The following UVRAG variants were observed in gnomAD, a reference collection of about 807,000 sequenced individuals.
UVRAG encodes UV radiation resistance associated.
A neutral mutation model predicts 78.0 loss-of-function variants in UVRAG; 19 were observed. That is an observed-to-expected ratio of 0.24 (90% CI 0.17 to 0.36). The LOEUF (loss-of-function observed/expected upper bound fraction) is 0.36, where lower values mean the gene tolerates loss of function less well. Ranked by LOEUF, UVRAG falls within the 10% of genes least tolerant of loss-of-function variation. The probability of loss-of-function intolerance (pLI) is 1.00; values close to 1 mark genes in which losing one functional copy is unlikely to be tolerated. For missense variants in UVRAG, 740 were observed against 853.8 expected (o/e 0.87, Z 1.66); for synonymous variants, 323 against 324.6 (o/e 1.00, Z 0.05).
chr11:76,128,610 T>TTTTG (rs375402238), intron 14 of UVRAG, among the ~76,000 whole-genome samples: 309 of 151,958 alleles, frequency 2.0e-3, no homozygotes, highest in African/African-American at 6.7e-3. Flanking sequence ...GGGAGGTATT[T>TTTTG]TTTGTTTGTT....
At chr11:76,087,711 TA>T (rs1951614958) in intron 13 of UVRAG, among the ~76,000 whole-genome samples, 1 of 152,196 alleles carries the variant, frequency 6.6e-6, no homozygotes, top group Non-Finnish European at 1.5e-5. Flanking sequence ...TAGCATTCCT[TA>T]AGGTGGACAG....
At chr11:76,139,033 A>C (rs886225926) in intron 14 of UVRAG, among the ~76,000 whole-genome samples, 3 of 152,182 alleles carry the variant, frequency 2.0e-5, no homozygotes, top group Admixed American at 6.5e-5. Flanking sequence ...TGGAGAACTA[A>C]ACACTGTAAT....
intron 11 of UVRAG, among the ~76,000 whole-genome samples, chr11:76,013,702 T>C (rs914493851): frequency 1.3e-5 from 2 of 152,238 alleles, no homozygotes; most frequent in African/African-American, 2.4e-5. Flanking sequence ...ATAGCCATAA[T>C]TAACCACATG....
chr11:76,139,465 A>G (rs1218389556), intron 14 of UVRAG, among the ~76,000 whole-genome samples: 1 of 152,114 alleles, frequency 6.6e-6, no homozygotes, highest in Non-Finnish European at 1.5e-5. Context: ...TATGGGAACT[A>G]TTTGTTGGGT....
chr11:75,967,718 A>G (rs1487280934), intron 7 of UVRAG, among the ~76,000 whole-genome samples: 1 of 152,212 alleles, frequency 6.6e-6, no homozygotes, highest in Non-Finnish European at 1.5e-5. Context: ...TTTAACTGCT[A>G]TTAAGCTAAT....
chr11:76,008,755 T>G (rs1949996950), intron 10 of UVRAG, 52 bp from the exon 11 acceptor site: 2 of 1,042,382 alleles, frequency 1.9e-6, no homozygotes, highest in Admixed American at 2.4e-5. Context: ...GAGATTTAAC[T>G]TAGAGTTTCT....
chr11:76,044,613 A>G (rs993034504), intron 12 of UVRAG, among the ~76,000 whole-genome samples: 8 of 152,118 alleles, frequency 5.3e-5, no homozygotes, highest in Non-Finnish European at 7.4e-5. Flanking sequence ...CTCTACTAAA[A>G]TATCAAAAAC....
chr11:76,021,325 G>A lies in UVRAG; in HGVS notation c.1226+4345G>A, dbSNP rs541728520. Among the ~76,000 whole-genome samples the A allele has an allele frequency of 2.7e-4, 41 of 152,240 alleles. 1 individual carries two copies. Among genetic ancestry groups the A allele is most frequent in the Middle Eastern group, 6.8e-3 (2 of 294 alleles). On this transcript the variant is annotated intron_variant, in intron 12 of 14. Coordinates refer to ENST00000356136, the MANE Select transcript of UVRAG (RefSeq NM_003369.4). ...GCCATCTTGCTTCACCCTCCTCATG[G>A]TGTTTTCTTATAATCCTTTTCATTT...
chr11:75,974,063 T>G (rs767300238), intron 7 of UVRAG, among the ~76,000 whole-genome samples: 2 of 152,234 alleles, frequency 1.3e-5, no homozygotes, highest in Non-Finnish European at 2.9e-5. Flanking sequence ...CCTTTGGGTA[T>G]ATACCCAGTA....
At chr11:75,937,223 CTG>C (rs1948390320) in intron 6 of UVRAG, among the ~76,000 whole-genome samples, 2 of 152,256 alleles carry the variant, frequency 1.3e-5, no homozygotes, top group South Asian at 4.1e-4. Flanking sequence ...CAAAAATTAA[CTG>C]GGCATGGTGG....
intron 6 of UVRAG, among the ~76,000 whole-genome samples, chr11:75,953,304 A>C (rs1948738868): frequency 6.6e-6 from 1 of 152,186 alleles, no homozygotes; most frequent in Admixed American, 6.5e-5. Flanking sequence ...TTACAAGAAG[A>C]AATATCTTTC....
intron 8 of UVRAG, among the ~76,000 whole-genome samples, chr11:75,999,638 C>T (rs906755969): frequency 6.6e-6 from 1 of 152,144 alleles, no homozygotes; most frequent in African/African-American, 2.4e-5. Flanking sequence ...CTTGGCCTCC[C>T]AAAGTGCTGG....
chr11:75,869,177 C>G (rs533951316), intron 3 of UVRAG, among the ~76,000 whole-genome samples: 2 of 152,328 alleles, frequency 1.3e-5, no homozygotes, highest in African/African-American at 4.8e-5. Context: ...TCCCTTATAT[C>G]CCACTTCCTT....
At position 75,821,216 on chromosome 11, in the gene UVRAG, T is replaced by A. The variant is rs946083545; in HGVS notation, c.117+5692T>A. Among the ~76,000 whole-genome samples, 13 of 152,330 alleles carry A rather than the reference T, an allele frequency of 8.5e-5. 1 individual carries two copies. The South Asian group carries it at 2.3e-3, about 27-fold the overall frequency. On this transcript the variant is annotated intron_variant, in intron 1 of 14. Coordinates refer to ENST00000356136, the MANE Select transcript of UVRAG (RefSeq NM_003369.4). ...GTTTGGCTTATTTCACTTTGCAATGTTTTCAAGGTTCATCCATGTTGCAGG... is the reference window on the plus strand; with the variant it reads ...GTTTGGCTTATTTCACTTTGCAATGATTTCAAGGTTCATCCATGTTGCAGG...
At chr11:75,956,030 A>G (rs1238120217) in intron 6 of UVRAG, among the ~76,000 whole-genome samples, 1 of 152,220 alleles carries the variant, frequency 6.6e-6, no homozygotes, top group Non-Finnish European at 1.5e-5. Flanking sequence ...AAAGGGAATC[A>G]TACAATATGG....
At chr11:75,831,491 A>AAAACAAAC (rs57723773) in intron 1 of UVRAG, among the ~76,000 whole-genome samples, 8 of 107,904 alleles carry the variant, frequency 7.4e-5, no homozygotes, top group South Asian at 2.5e-4. Context: ...TCCTTCTCAA[A>AAAACAAAC]AAACAAACAA....
rs574164024 is a variant in UVRAG at position 75,908,410 on chromosome 11, G to A, written c.508-3544G>A. Among the ~76,000 whole-genome samples, 24 of 152,208 alleles carry A rather than the reference G, an allele frequency of 1.6e-4. No homozygotes were observed. The South Asian group carries it at 5.0e-3, about 32-fold the overall frequency. On this transcript the variant is annotated intron_variant, in intron 5 of 14. Transcript: ENST00000356136. ...TATACAAATGGCACTTCCCATTCTT[G>A]CTTTCACTTTTTTGGGGTACATACC...
At chr11:75,837,032 G>C (rs1333923114) in intron 1 of UVRAG, among the ~76,000 whole-genome samples, 4 of 151,980 alleles carry the variant, frequency 2.6e-5, no homozygotes, top group African/African-American at 7.2e-5. Flanking sequence ...CACCACCACA[G>C]ATAAAAAAAT....
intron 12 of UVRAG, among the ~76,000 whole-genome samples, chr11:76,035,092 G>A (rs1306632623): frequency 1.3e-5 from 2 of 151,760 alleles, no homozygotes; most frequent in African/African-American, 4.8e-5. Context: ...GACAACTTCT[G>A]TTGTAAGATG....
Sources: allele counts gnomAD v4.1 joint callset (sites outside exome capture counted in the v4.1 genomes callset), GRCh38; gene constraint gnomAD v4.1.1; transcripts MANE v1.5; gene names NCBI Gene and HGNC (gene_info 2026-07-23, HGNC 2026-07-21).